NSDHL: variants seen among roughly 807,000 people sequenced by gnomAD.
NSDHL encodes the protein NAD(P) dependent 3-beta-hydroxysteroid dehydrogenase NSDHL, also known as sterol-4-alpha-carboxylate 3-dehydrogenase, decarboxylating.
A neutral mutation model predicts 23.0 loss-of-function variants in NSDHL; 1 was observed. That is an observed-to-expected ratio of 0.04 (90% CI 0.02 to 0.21). The LOEUF is 0.21. Ranked by LOEUF, NSDHL falls within the 10% of genes least tolerant of loss-of-function variation. The pLI, the probability that NSDHL is intolerant of heterozygous loss-of-function variation, is 1.00. For synonymous variants in NSDHL, 128 were observed against 121.1 expected, an observed-to-expected ratio of 1.06 and a Z score of -0.37; for missense variants, 237 against 300.9, an observed-to-expected ratio of 0.79 and a Z score of 1.57.
intron 1 of NSDHL, among the ~76,000 whole-genome samples, chrX:152,838,410 T>C (rs1233858184): frequency 8.9e-6 from 1 of 112,250 alleles, no homozygotes; most frequent in Non-Finnish European, 1.9e-5. Context: ...ATTTTAGATC[T>C]TTCCTGCTTT....
intron 7 of NSDHL, 130 bp downstream of exon 7, chrX:152,867,803 C>G (rs1344215638): frequency 3.8e-6 from 2 of 532,292 alleles, no homozygotes; most frequent in African/African-American, 2.3e-5. Flanking sequence ...CCCCCTGTGC[C>G]AAGATCAAGC....
intron 2 of NSDHL, among the ~76,000 whole-genome samples, chrX:152,849,852 C>CGTTTT (rs1482953225): frequency 4.4e-5 from 5 of 112,556 alleles, no homozygotes; most frequent in Admixed American, 9.4e-5. Context: ...AAATGGCTGC[C>CGTTTT]GTTTTGTTTT....
chrX:152,847,659 T>C (rs1317496254), intron 2 of NSDHL, among the ~76,000 whole-genome samples: 2 of 111,655 alleles, frequency 1.8e-5, no homozygotes, highest in African/African-American at 6.5e-5. Flanking sequence ...TTATAAGAAG[T>C]AAAAGTTCTA....
chrX:152,838,095 T>C (rs1297132404), intron 1 of NSDHL, among the ~76,000 whole-genome samples: 13 of 112,370 alleles, frequency 1.2e-4, no homozygotes, highest in African/African-American at 4.2e-4. Context: ...GAAGTGTTTA[T>C]AGTATTCTCT....
In NSDHL at chrX:152,868,814, C is replaced by T. The variant is rs1933653981; in HGVS notation, c.820C>T (p.Pro274Ser). Residue 274 changes from proline (P) to serine (S), a missense_variant, in exon 8 of 8, where the codon CCT (proline) becomes TCT (serine). Pro to Ser is a moderately conservative substitution (Grantham distance 74). Coordinates refer to ENST00000370274, the MANE Select transcript of NSDHL (RefSeq NM_015922.3). ...AFHITNDEPI[P>S]FWTFLSRILT... Reference sequence around the variant, plus strand: ...TCACATCACCAATGATGAGCCCATCCCTTTCTGGACATTCCTGTCTCGCAT... The same window carrying T: ...TCACATCACCAATGATGAGCCCATCTCTTTCTGGACATTCCTGTCTCGCAT... 1 of 1,209,709 alleles carries T rather than the reference C, an allele frequency of 8.3e-7. No homozygotes were observed. The highest frequency in any genetic ancestry group is 1.1e-6 in the Non-Finnish European group (1 of 894,818).
chrX:152,843,175 A>C (rs1203600004), intron 1 of NSDHL, among the ~76,000 whole-genome samples: 1 of 112,301 alleles, frequency 8.9e-6, no homozygotes, highest in African/African-American at 3.2e-5. Context: ...GGGGTGAGAC[A>C]TGTTTCTTCT....
intron 6 of NSDHL, among the ~76,000 whole-genome samples, chrX:152,867,082 A>G (rs1197932300): frequency 9.0e-6 from 1 of 111,222 alleles, no homozygotes; most frequent in African/African-American, 3.3e-5. Flanking sequence ...TCTCTCCCAA[A>G]TAGGCTTTCT....
intron 1 of NSDHL, among the ~76,000 whole-genome samples, chrX:152,839,529 A>G (rs1372439037): frequency 8.9e-6 from 1 of 112,132 alleles, no homozygotes; most frequent in East Asian, 2.8e-4. Context: ...GTTTGTCTGT[A>G]AAGGATTTTA....
At chrX:152,862,497 C>A in intron 4 of NSDHL, 99 bp from the exon 5 acceptor site, 1 of 821,093 alleles carries the variant, frequency 1.2e-6, no homozygotes, top group Non-Finnish European at 1.8e-6. Flanking sequence ...AATGCGAGGG[C>A]AACAAAGGGA....
chrX:152,867,480 A>T lies in NSDHL; in HGVS notation c.687-91A>T, dbSNP rs1342011991. 6.0e-6 allele frequency: 4 copies of T among 666,741 alleles called. No individual in the cohort carries two copies. In the African/African-American group the frequency reaches 8.6e-5, roughly 14 times the overall value. 54.9% of individuals were successfully genotyped at this position (666,741 alleles called of 1,213,427 possible). On this transcript the variant is annotated intron_variant, in intron 6 of 7. Transcript: ENST00000370274. ...TGAGGTGGCAGCCATTCTGTAGGTC[A>T]CAGTCTCTCAAATGCCAAGACTTGG...
chrX:152,835,129 C>T (rs1378050817), intron 1 of NSDHL, among the ~76,000 whole-genome samples: 2 of 111,505 alleles, frequency 1.8e-5, no homozygotes, highest in African/African-American at 6.5e-5. Context: ...TCTCGCTTCA[C>T]ATGAGGCGGC....
chrX:152,851,379 C>T (rs1051640022), intron 3 of NSDHL, among the ~76,000 whole-genome samples: 13 of 111,314 alleles, frequency 1.2e-4, no homozygotes, highest in African/African-American at 3.9e-4. Flanking sequence ...GTCCTTTGCC[C>T]CTTTGTCTTT....
rs1297321719 is a variant in NSDHL, at chrX:152,841,746, T to A, written c.-43-4536T>A. 7.1e-5 allele frequency among the ~76,000 whole-genome samples: 8 copies of A among 112,456 alleles called. No homozygotes were observed. In the East Asian group the frequency reaches 2.2e-3, roughly 31 times the overall value. ...CCTAAAACATTGCTCTTTGGAGTCTTGTTTTCAGTAGTTCAGAGCTATTCT... is the reference window on the plus strand; with the variant it reads ...CCTAAAACATTGCTCTTTGGAGTCTAGTTTTCAGTAGTTCAGAGCTATTCT... On this transcript the variant is annotated intron_variant, in intron 1 of 7. Coordinates refer to ENST00000370274, the MANE Select transcript of NSDHL (RefSeq NM_015922.3).
intron 1 of NSDHL, 76 bp downstream of exon 1, chrX:152,831,193 G>A (rs1556843373): frequency 3.4e-6 from 1 of 296,074 alleles, no homozygotes; most frequent in African/African-American, 2.8e-5. Flanking sequence ...GGGAGCTACG[G>A]GGTCGCCCGG....
chrX:152,846,319 T>C lies in NSDHL; in HGVS notation c.-6T>C. On this transcript the variant is annotated 5_prime_UTR_variant, in exon 2 of 8. Transcript: ENST00000370274. ...GATTACAAACGGGACCATATTTTGCTTCGAAATGGAACCAGCAGTTAGCGA... is the reference window on the plus strand; with the variant it reads ...GATTACAAACGGGACCATATTTTGCCTCGAAATGGAACCAGCAGTTAGCGA... 8.4e-7 allele frequency: 1 copy of C among 1,196,379 alleles called. No individual in the cohort carries two copies. Among genetic ancestry groups the C allele is most frequent in the Non-Finnish European group, 1.1e-6 (1 of 881,135 alleles).
At chrX:152,832,976 T>C (rs1243211663) in intron 1 of NSDHL, among the ~76,000 whole-genome samples, 2 of 111,426 alleles carry the variant, frequency 1.8e-5, no homozygotes, top group Non-Finnish European at 3.8e-5. Context: ...AGCAGCAGGA[T>C]CAGCTCCTCC....
At chrX:152,860,495 C>A (rs1224833472) in intron 4 of NSDHL, among the ~76,000 whole-genome samples, 1 of 111,398 alleles carries the variant, frequency 9.0e-6, no homozygotes, top group Non-Finnish European at 1.9e-5. Context: ...GCAGGAAGAT[C>A]CCTTGAGCCA....
rs782129032 is a variant in NSDHL at position 152,865,915 on chromosome X, A to G, written c.640A>G (p.Ile214Val). 4 of 1,211,149 alleles carry G rather than the reference A, an allele frequency of 3.3e-6. No individual in the cohort carries two copies. The South Asian group carries it at 5.3e-5, about 16-fold the overall frequency. ...FGPRDPQLVP[I>V]LIEAARNGKM... is the part of the protein sequence containing the mutation. ...CCCAAGGGACCCGCAGTTGGTACCC[A>G]TCCTCATCGAGGCAGCCAGGAACGG... Residue 214 changes from isoleucine to valine, a missense_variant, in exon 6 of 8, where the codon ATC becomes GTC. Physicochemically the swap from Ile to Val is conservative, Grantham distance 29 (BLOSUM62 3). Around this residue, in one of 3 missense-constraint regions of NSDHL, gnomAD observed 39 missense variants for 98.1 expected, o/e 0.40. Coordinates refer to ENST00000370274, the MANE Select transcript of NSDHL (RefSeq NM_015922.3).
chrX:152,865,920 C>T lies in NSDHL; in HGVS notation c.645C>T (p.Leu215=), dbSNP rs201859490. The T allele has an allele frequency of 3.3e-6, 4 of 1,211,248 alleles. No individual in the cohort carries two copies. Among genetic ancestry groups the T allele is most frequent in the Non-Finnish European group, 4.5e-6 (4 of 895,374 alleles). ...GPRDPQLVPI[L]IEAARNGKMK... ...GGGACCCGCAGTTGGTACCCATCCT[C>T]ATCGAGGCAGCCAGGAACGGCAAGA... Residue 215 remains leucine, a synonymous_variant, in exon 6 of 8, where the codon CTC becomes CTT. Coordinates refer to ENST00000370274, the MANE Select transcript of NSDHL (RefSeq NM_015922.3).
Sources: gnomAD v4.1 joint callset for allele counts (sites outside exome capture counted in the v4.1 genomes callset) on GRCh38, gnomAD v4.1.1 for gene constraint, gnomAD v4.1.1 regional missense constraint, MANE v1.5 for transcripts, NCBI Gene and HGNC (gene_info 2026-07-23, HGNC 2026-07-21) for gene names.